The following ABCA1 variants were observed in gnomAD, a reference collection of about 807,000 sequenced individuals.
ABCA1 encodes ATP binding cassette subfamily A member 1, also known as phospholipid-transporting ATPase ABCA1.
ABCA1 carries 133 observed loss-of-function variants against 262.5 expected under a neutral mutation model. That is an observed-to-expected ratio of 0.51 (90% CI 0.44 to 0.59). The LOEUF (loss-of-function observed/expected upper bound fraction) is 0.59, where lower values mean the gene tolerates loss of function less well. ABCA1 is among the 20% of genes least tolerant of loss of function. ABCA1 has a pLI of 0.00. For synonymous variants in ABCA1, 1,022 were observed against 1,043.5 expected, an observed-to-expected ratio of 0.98 and a Z score of 0.40; for missense variants, 2,452 against 2,777.5, an observed-to-expected ratio of 0.88 and a Z score of 2.63.
intron 44 of ABCA1, among the ~76,000 whole-genome samples, chr9:104,789,826 G>A (rs1007266629): frequency 2.0e-5 from 3 of 152,104 alleles, no homozygotes; most frequent in Non-Finnish European, 4.4e-5. Context: ...GGGCGCAGTG[G>A]CTCATGCCTG....
Position 104,809,534 on chromosome 9 carries a change from C to T in ABCA1, c.4206G>A (p.Leu1402=), listed in dbSNP as rs1391701005. ...SNDAPEDTGT[L]ELLNALTKDP... is the part of the protein sequence containing the mutation. ...CTTTGGTGAGGGCGTTTAAGAGTTC[C>T]AGGGTTCCCGTGTCCTCAGGAGCAT... The change falls in exon 30 of 50, where the codon CTG becomes CTA. Residue 1402 remains leucine, a synonymous_variant. Coordinates refer to ENST00000374736, the MANE Select transcript of ABCA1 (RefSeq NM_005502.4). The T allele has an allele frequency of 9.9e-6, 16 of 1,614,072 alleles. No homozygotes were observed. In the East Asian group the frequency reaches 3.6e-4, roughly 36 times the overall value.
Position 104,816,343 on chromosome 9 carries a change from C to T in ABCA1, c.3538G>A (p.Val1180Ile), listed in dbSNP as rs1465400468. 2.5e-6 allele frequency: 4 copies of T among 1,613,398 alleles called. No individual in the cohort carries two copies. The African/African-American group carries it at 4.0e-5, about 16-fold the overall frequency. ...DHESDTLTID[V>I]SAISNLIRKH... is the part of the protein sequence containing the mutation. ...CTGATGAGGTTGGAGATAGCAGAGA[C>T]ATCTGCAGGGACCAGAATGCAAAGA... The change falls in exon 25 of 50, where the codon GTC becomes ATC. Residue 1180 changes from valine (V) to isoleucine (I), a missense_variant and splice_region_variant. Coordinates refer to ENST00000374736, the MANE Select transcript of ABCA1 (RefSeq NM_005502.4).
Position 104,900,636 on chromosome 9 carries a change from C to T in ABCA1, c.66+2978G>A, listed in dbSNP as rs189970119. ...TCAGAGACATAGAAGCTTTAGTATACACAGAGAGCAAAGCAAAAAAGGGTC... is the reference window on the plus strand; with the variant it reads ...TCAGAGACATAGAAGCTTTAGTATATACAGAGAGCAAAGCAAAAAAGGGTC... On this transcript the variant is annotated intron_variant, in intron 2 of 49. Coordinates refer to ENST00000374736, the MANE Select transcript of ABCA1 (RefSeq NM_005502.4). Among the ~76,000 whole-genome samples the T allele has an allele frequency of 1.1e-4, 17 of 152,256 alleles. No individual in the cohort carries two copies. In the East Asian group the frequency reaches 3.3e-3, roughly 29 times the overall value.
chr9:104,872,592 C>G (rs1484273132), intron 5 of ABCA1, among the ~76,000 whole-genome samples: 1 of 152,194 alleles, frequency 6.6e-6, no homozygotes, highest in Non-Finnish European at 1.5e-5. Flanking sequence ...CTGTTTGAAG[C>G]CTTCAATGTA....
At chr9:104,826,195 A>C (rs1048654817) in intron 16 of ABCA1, among the ~76,000 whole-genome samples, 8 of 152,188 alleles carry the variant, frequency 5.3e-5, no homozygotes, top group African/African-American at 1.4e-4. Context: ...CTGTTCCCCC[A>C]CACACATGCG....
intron 2 of ABCA1, among the ~76,000 whole-genome samples, chr9:104,900,531 A>G (rs61319799): frequency 0.16 from 24,133 of 152,200 alleles, 2,377 homozygotes; most frequent in African/African-American, 0.27. Flanking sequence ...AACCCTTAAG[A>G]GGTTCTGACG....
intron 11 of ABCA1, among the ~76,000 whole-genome samples, chr9:104,835,034 A>C (rs1830798025): frequency 6.6e-6 from 1 of 152,128 alleles, no homozygotes; most frequent in African/African-American, 2.4e-5. Context: ...GGATCACTTG[A>C]GGTCAGGAGT....
At chr9:104,906,750 CAAAAAAAA>C (rs35167860) in intron 1 of ABCA1, among the ~76,000 whole-genome samples, 2 of 83,042 alleles carry the variant, frequency 2.4e-5, no homozygotes, top group East Asian at 6.8e-4. Context: ...AAACCAAAAT[CAAAAAAAA>C]AAAAAAAAAA....
intron 2 of ABCA1, among the ~76,000 whole-genome samples, chr9:104,893,421 CAAAAAAAAAAAA>C (rs34544647): frequency 7.9e-3 from 279 of 35,268 alleles, no homozygotes; most frequent in Non-Finnish European, 0.013. Context: ...GACTTCACCT[CAAAAAAAAAAAA>C]AAAAAAAAAA....
intron 46 of ABCA1, among the ~76,000 whole-genome samples, chr9:104,787,497 A>T (rs1829031225): frequency 6.6e-6 from 1 of 152,204 alleles, no homozygotes; most frequent in Admixed American, 6.5e-5. Context: ...TCTACAGAAG[A>T]AAAAAGGTCA....
Position 104,810,945 on chromosome 9 carries a change from G to C in ABCA1, c.4051-21C>G, listed in dbSNP as rs1349626814. ...ACAATCTTTACCCAGGCAGTGGAGG[G>C]GGCAGGGGGACAGCAGGAAACGGCA... On this transcript the variant is annotated intron_variant, in intron 28 of 49. Coordinates refer to ENST00000374736, the MANE Select transcript of ABCA1 (RefSeq NM_005502.4). 8 of 1,614,066 alleles carry C rather than the reference G, an allele frequency of 5.0e-6. No individual in the cohort carries two copies. The South Asian group carries it at 7.7e-5, about 16-fold the overall frequency.
Position 104,810,691 on chromosome 9 carries a change from G to A in ABCA1, c.4175+109C>T, listed in dbSNP as rs1831201757. The A allele has an allele frequency of 7.0e-6, 11 of 1,564,102 alleles. No homozygotes were observed. In the Admixed American group the frequency reaches 1.8e-4, roughly 26 times the overall value. On this transcript the variant is annotated intron_variant, in intron 29 of 49. Coordinates refer to ENST00000374736, the MANE Select transcript of ABCA1 (RefSeq NM_005502.4). The stretch of plus-strand genomic sequence containing the variant: ...TTATACAGGGACCTGAGCCGCAGCA[G>A]TAAAATTCATTCCACCGTGTAATTC...
Position 104,826,954 on chromosome 9 carries a change from G to C in ABCA1, c.2331C>G (p.Ile777Met). 1 of 1,613,760 alleles carries C rather than the reference G, an allele frequency of 6.2e-7. No individual in the cohort carries two copies. The highest frequency in any genetic ancestry group is 1.3e-5 in the African/African-American group (1 of 75,054). The part of the protein sequence containing the change: ...WQDYVGFTLK[I>M]FASLLSPVAF... ...AAAGGCCAGAGGTACTCACAGCGAAGATCTTGAGTGTGAAGCCCACGTAGT... is the reference window on the plus strand; with the variant it reads ...AAAGGCCAGAGGTACTCACAGCGAACATCTTGAGTGTGAAGCCCACGTAGT... Residue 777 changes from isoleucine to methionine, a missense_variant, in exon 16 of 50, where the codon ATC (isoleucine) becomes ATG (methionine). Ile to Met is a conservative substitution (Grantham distance 10). This residue lies in a region of ABCA1 where 1,032 missense variants were observed against 1,089.7 expected (regional missense o/e 0.95). Transcript: ENST00000374736.
At chr9:104,872,758 A>G (rs1002816473) in intron 5 of ABCA1, among the ~76,000 whole-genome samples, 2 of 152,210 alleles carry the variant, frequency 1.3e-5, no homozygotes, top group African/African-American at 4.8e-5. Flanking sequence ...TGGACTCCCA[A>G]ATTGCTCTTT....
intron 25 of ABCA1, 50 bp downstream of exon 25, chr9:104,816,093 T>C: frequency 1.2e-6 from 2 of 1,600,340 alleles, no homozygotes; most frequent in South Asian, 1.1e-5. Context: ...GGTCTGGCCT[T>C]AGGACATTTG....
intron 7 of ABCA1, among the ~76,000 whole-genome samples, chr9:104,848,230 A>C (rs1835064310): frequency 6.6e-6 from 1 of 152,176 alleles, no homozygotes; most frequent in Admixed American, 6.5e-5. Context: ...ATATGACCAA[A>C]ATCATGGCAG....
At position 104,926,462 on chromosome 9, in the gene ABCA1, C is replaced by A. The variant is rs144491134; in HGVS notation, c.-93+1473G>T. ...CAAACACGCTAACAAAAAAAAAAAC[C>A]AAAAAAACAAAAAAAAAAAAACAAA... On this transcript the variant is annotated intron_variant, in intron 1 of 49. Transcript: ENST00000374736. 3.7e-3 allele frequency among the ~76,000 whole-genome samples: 396 copies of A among 106,482 alleles called. 3 individuals carry two copies. The highest frequency in any genetic ancestry group is 4.9e-3 in the Non-Finnish European group (246 of 49,834). 69.9% of individuals were successfully genotyped at this position (106,482 alleles called of 152,430 possible).
Position 104,814,415 on chromosome 9 carries a change from C to A in ABCA1, c.3787+12G>T, listed in dbSNP as rs778512470. ...CTATCTTAAGTGTGCCATTCTCCCT[C>A]AAGGCAGTTACCTGAGGTCTCAGCA... On this transcript the variant is annotated intron_variant, in intron 26 of 49. Coordinates refer to ENST00000374736, the MANE Select transcript of ABCA1 (RefSeq NM_005502.4). 6.2e-7 allele frequency: 1 copy of A among 1,614,086 alleles called. No individual in the cohort carries two copies. The highest frequency in any genetic ancestry group is 2.2e-5 in the East Asian group (1 of 44,886).
intron 7 of ABCA1, among the ~76,000 whole-genome samples, chr9:104,853,235 T>G (rs556865943): frequency 1.1e-4 from 16 of 152,212 alleles, no homozygotes; most frequent in Admixed American, 7.2e-4. Context: ...CCCACGTTAT[T>G]GAGATGGAGA....
Sources: gnomAD v4.1 joint callset for allele counts (sites outside exome capture counted in the v4.1 genomes callset) on GRCh38, gnomAD v4.1.1 for gene constraint, gnomAD v4.1.1 regional missense constraint, MANE v1.5 for transcripts, NCBI Gene and HGNC (gene_info 2026-07-23, HGNC 2026-07-21) for gene names.